Variants in ALPK3 observed in about 807,000 individuals in gnomAD.
ALPK3 encodes alpha kinase 3.
ALPK3 carries 102 observed loss-of-function variants against 140.0 expected under a neutral mutation model. The observed-to-expected ratio is 0.73, with a 90% CI of 0.62 to 0.86. The LOEUF (loss-of-function observed/expected upper bound fraction) is 0.86. Among genes scored for constraint, ALPK3 ranks in the 40% least tolerant of loss-of-function variants. The pLI is 0.00. For synonymous variants in ALPK3, 938 were observed against 898.5 expected, an observed-to-expected ratio of 1.04 and a Z score of -0.79; for missense variants, 2,254 against 2,208.2, an observed-to-expected ratio of 1.02 and a Z score of -0.42.
rs139738663 is a variant in ALPK3 at position 84,868,292 on chromosome 15, C to T, written c.4954C>T (p.Leu1652=). Residue 1652 remains leucine (L), a synonymous_variant, in exon 14 of 14, where the codon CTG becomes TTG. Coordinates refer to ENST00000258888, the MANE Select transcript of ALPK3 (RefSeq NM_020778.5). ...SPSAGRKGSQ[L]SPQPQKKGLP... ...ATCTGCTGGCAGGAAAGGCTCCCAG[C>T]TGAGTCCTCAGCCCCAGAAGAAAGG... The T allele has an allele frequency of 1.1e-4, 173 of 1,614,116 alleles. No individual in the cohort carries two copies. In the East Asian group the frequency reaches 3.8e-3, roughly 35 times the overall value.
intron 5 of ALPK3, among the ~76,000 whole-genome samples, chr15:84,854,950 CTT>C (rs143340289): frequency 0.072 from 10,940 of 152,268 alleles, 477 homozygotes; most frequent in Non-Finnish European, 0.089. Flanking sequence ...TCTCAATCAT[CTT>C]TTGGTTGACT....
chr15:84,820,123 T>G (rs1438193828), intron 1 of ALPK3, among the ~76,000 whole-genome samples: 1 of 152,058 alleles, frequency 6.6e-6, no homozygotes, highest in East Asian at 1.9e-4. Context: ...CAAAATTGAG[T>G]AGAAGCAGTT....
chr15:84,856,291 G>A, intron 5 of ALPK3, 101 bp from the exon 6 acceptor site: 1 of 1,482,330 alleles, frequency 6.7e-7, no homozygotes, highest in African/African-American at 1.4e-5. Flanking sequence ...ATTCCCATCA[G>A]AGCAGTTGTA....
chr15:84,839,598 A>G, intron 4 of ALPK3, 104 bp from the exon 5 acceptor site: 1 of 1,263,254 alleles, frequency 7.9e-7, no homozygotes, highest in Non-Finnish European at 1.1e-6. Context: ...GGCTTGCTGT[A>G]GGGAGGGGGA....
At chr15:84,845,793 T>C (rs1963723907) in intron 5 of ALPK3, among the ~76,000 whole-genome samples, 1 of 152,204 alleles carries the variant, frequency 6.6e-6, no homozygotes, top group Non-Finnish European at 1.5e-5. Context: ...GTGTGGTGGC[T>C]CATGCCTGTA....
In ALPK3 at chr15:84,860,089, G is replaced by T; in HGVS notation, c.4129+17G>T. ...AAGGTGAAGGTATGGTTCCCCCCTG[G>T]GGAAGGCGGGGTGGTCCTACCCCTG... On this transcript the variant is annotated intron_variant, in intron 9 of 13. Transcript: ENST00000258888. 1 of 1,614,030 alleles carries T rather than the reference G, an allele frequency of 6.2e-7. No homozygotes were observed. Among genetic ancestry groups the T allele is most frequent in the South Asian group, 1.1e-5 (1 of 91,048 alleles).
Position 84,872,548 on chromosome 15 carries a change from A to G in ALPK3, c.*4092A>G, listed in dbSNP as rs956339881. On this transcript the variant is annotated 3_prime_UTR_variant, in exon 14 of 14. Transcript: ENST00000258888. ...GATGCCCCAAAGTGGCATAAATTGC[A>G]TGGAATTAGGCCTTAGTGGCGAGGG... 6.6e-6 allele frequency: 1 copy of G among 152,240 alleles called. No individual in the cohort carries two copies. Among genetic ancestry groups the G allele is most frequent in the Non-Finnish European group, 1.5e-5 (1 of 68,046 alleles). The allele number at this position is 152,240 out of a possible 1,614,324, so 9.4% of individuals were successfully genotyped here.
chr15:84,823,047 T>C (rs975966670), intron 1 of ALPK3, among the ~76,000 whole-genome samples: 4 of 152,240 alleles, frequency 2.6e-5, no homozygotes, highest in African/African-American at 9.6e-5. Context: ...CCCAAATGCC[T>C]GGGACACACC....
At chr15:84,828,471 T>C (rs1963512928) in intron 3 of ALPK3, among the ~76,000 whole-genome samples, 1 of 152,104 alleles carries the variant, frequency 6.6e-6, no homozygotes. Flanking sequence ...CTCCCAGCTG[T>C]GCAGCTATTA....
intron 5 of ALPK3, among the ~76,000 whole-genome samples, chr15:84,851,636 G>A (rs186063146): frequency 1.3e-5 from 2 of 152,204 alleles, no homozygotes; most frequent in Non-Finnish European, 2.9e-5. Flanking sequence ...GTGTGTGTGT[G>A]TCTGTGTATT....
At chr15:84,867,994 A>G in intron 13 of ALPK3, 117 bp from the exon 14 acceptor site, 1 of 1,037,310 alleles carries the variant, frequency 9.6e-7, no homozygotes, top group Non-Finnish European at 1.4e-6. Flanking sequence ...TCACCCTCAG[A>G]TAAGGTAGGA....
chr15:84,866,667 C>CTTCT (rs1440332228), intron 12 of ALPK3, among the ~76,000 whole-genome samples: 4 of 152,224 alleles, frequency 2.6e-5, no homozygotes, highest in Non-Finnish European at 5.9e-5. Context: ...AAGGCTTAAC[C>CTTCT]TGGAAGACCA....
intron 5 of ALPK3, among the ~76,000 whole-genome samples, 160 bp from the exon 6 acceptor site, chr15:84,856,232 A>G (rs542198036): frequency 1.3e-5 from 2 of 152,286 alleles, no homozygotes; most frequent in East Asian, 3.9e-4. Context: ...CATTTGTCAC[A>G]TGTCTTTGCC....
intron 5 of ALPK3, among the ~76,000 whole-genome samples, chr15:84,842,496 C>A (rs1036975075): frequency 2.0e-5 from 3 of 151,848 alleles, no homozygotes; most frequent in Non-Finnish European, 4.4e-5. Flanking sequence ...GGGGTAGGGA[C>A]AGAGGACAGG....
chr15:84,865,453 A>G (rs1596158705), intron 12 of ALPK3, among the ~76,000 whole-genome samples: 1 of 152,272 alleles, frequency 6.6e-6, no homozygotes, highest in East Asian at 1.9e-4. Context: ...ATATAGCTCC[A>G]TATACTGGGG....
chr15:84,858,160 A>G lies in ALPK3; in HGVS notation c.3422A>G (p.Glu1141Gly). The stretch of plus-strand genomic sequence containing the variant: ...ATAGCCCAGGAGCCCTCCCAAGAGG[A>G]GAAGTTCCCAGGGGAGGCTCTGACA... ...ESIAQEPSQE[E>G]KFPGEALTGL... Residue 1141 changes from glutamate to glycine, a missense_variant, in exon 6 of 14, where the codon GAG becomes GGG. By Grantham distance (98) the Glu-to-Gly change is moderately conservative. Around this residue, in one of 3 missense-constraint regions of ALPK3, gnomAD observed 2,088 missense variants for 2,022.9 expected, o/e 1.03. Transcript: ENST00000258888. 6.2e-7 allele frequency: 1 copy of G among 1,609,228 alleles called. No homozygotes were observed. Among genetic ancestry groups the G allele is most frequent in the Non-Finnish European group, 8.5e-7 (1 of 1,178,218 alleles).
chr15:84,848,153 A>G (rs1014866280), intron 5 of ALPK3, among the ~76,000 whole-genome samples: 4 of 152,110 alleles, frequency 2.6e-5, no homozygotes, highest in Non-Finnish European at 5.9e-5. Context: ...AAACATCAAG[A>G]ATGAAAGAAG....
intron 3 of ALPK3, among the ~76,000 whole-genome samples, chr15:84,829,639 G>A (rs552214929): frequency 1.3e-5 from 2 of 152,320 alleles, no homozygotes; most frequent in African/African-American, 4.8e-5. Context: ...TGTACATGCT[G>A]TTTATACATC....
At chr15:84,841,982 A>G (rs769601974) in intron 5 of ALPK3, among the ~76,000 whole-genome samples, 1 of 152,234 alleles carries the variant, frequency 6.6e-6, no homozygotes, top group Non-Finnish European at 1.5e-5. Flanking sequence ...CTGGTTATTT[A>G]TTTGAAGTCC....
Sources: allele counts gnomAD v4.1 joint callset (sites outside exome capture counted in the v4.1 genomes callset), GRCh38; gene constraint gnomAD v4.1.1; regional missense constraint gnomAD v4.1.1; transcripts MANE v1.5; gene names NCBI Gene and HGNC (gene_info 2026-07-23, HGNC 2026-07-21).